Variants in IL1RAPL2 observed in about 807,000 individuals in gnomAD.
IL1RAPL2 encodes X-linked interleukin-1 receptor accessory protein-like 2.
Under a neutral mutation model 44.1 loss-of-function variants are expected in IL1RAPL2, and 3 were observed. That is an observed-to-expected ratio of 0.07 (90% CI 0.03 to 0.18). The LOEUF (loss-of-function observed/expected upper bound fraction) is 0.18. Among genes scored for constraint, IL1RAPL2 ranks in the 10% least tolerant of loss-of-function variants. IL1RAPL2 has a pLI of 1.00. For missense variants in IL1RAPL2, 391 were observed against 496.4 expected (o/e 0.79, Z 2.02); for synonymous variants, 181 against 178.8 (o/e 1.01, Z -0.10).
At chrX:105,426,214 A>G (rs1037395371) in intron 5 of IL1RAPL2, among the ~76,000 whole-genome samples, 8 of 110,481 alleles carry the variant, frequency 7.2e-5, no homozygotes, top group Non-Finnish European at 1.5e-4. Flanking sequence ...CTCACTGAAC[A>G]GACAGAACAA....
At chrX:105,063,163 T>C (rs2032096156) in intron 2 of IL1RAPL2, among the ~76,000 whole-genome samples, 1 of 111,794 alleles carries the variant, frequency 8.9e-6, no homozygotes, top group Admixed American at 9.5e-5. Flanking sequence ...GTATTTTCAA[T>C]AGCCTCTCCT....
At chrX:104,795,472 T>C (rs1466804210) in intron 2 of IL1RAPL2, among the ~76,000 whole-genome samples, 1 of 110,020 alleles carries the variant, frequency 9.1e-6, no homozygotes, top group Non-Finnish European at 1.9e-5. Flanking sequence ...TCTCAATTCC[T>C]CAAAATCTCA....
chrX:104,745,566 A>G (rs1932160564), intron 2 of IL1RAPL2, among the ~76,000 whole-genome samples: 2 of 112,540 alleles, frequency 1.8e-5, no homozygotes, highest in South Asian at 7.1e-4. Flanking sequence ...GTGCACCTGT[A>G]TTGAAGTTTA....
At chrX:105,140,424 A>G (rs529028715) in intron 2 of IL1RAPL2, among the ~76,000 whole-genome samples, 45 of 112,727 alleles carry the variant, frequency 4.0e-4, no homozygotes, top group African/African-American at 1.4e-3. Context: ...CAAATGCCAA[A>G]GATAGAATAA....
At chrX:105,679,975 C>T (rs774537675) in intron 6 of IL1RAPL2, among the ~76,000 whole-genome samples, 2 of 111,264 alleles carry the variant, frequency 1.8e-5, no homozygotes, top group South Asian at 7.7e-4. Flanking sequence ...CCAATAGTAT[C>T]TACAAATGTG....
chrX:105,279,566 G>A (rs898695998), intron 5 of IL1RAPL2, among the ~76,000 whole-genome samples: 3 of 111,186 alleles, frequency 2.7e-5, no homozygotes, highest in African/African-American at 6.6e-5. Context: ...TGCAACCTCC[G>A]CCTCCTGGGT....
chrX:105,262,592 G>T (rs908767634), intron 4 of IL1RAPL2, among the ~76,000 whole-genome samples: 4 of 111,496 alleles, frequency 3.6e-5, no homozygotes, highest in African/African-American at 1.3e-4. Flanking sequence ...AGCAACTGAA[G>T]CTTAGATTGA....
At chrX:105,131,689 C>G (rs1001869811) in intron 2 of IL1RAPL2, among the ~76,000 whole-genome samples, 1 of 110,766 alleles carries the variant, frequency 9.0e-6, no homozygotes, top group Admixed American at 9.6e-5. Context: ...TTGAACATTA[C>G]ATAGAAAACA....
intron 6 of IL1RAPL2, among the ~76,000 whole-genome samples, chrX:105,653,164 A>T (rs1206565903): frequency 8.9e-6 from 1 of 111,866 alleles, no homozygotes; most frequent in Non-Finnish European, 1.9e-5. Context: ...GAATACGGAA[A>T]ATATAGCTTC....
At chrX:105,614,393 C>T (rs2037358031) in intron 6 of IL1RAPL2, among the ~76,000 whole-genome samples, 1 of 111,822 alleles carries the variant, frequency 8.9e-6, no homozygotes, top group African/African-American at 3.3e-5. Context: ...ATGCAGGAGT[C>T]ACATTATCTG....
intron 7 of IL1RAPL2, among the ~76,000 whole-genome samples, chrX:105,730,630 A>G (rs1352350061): frequency 9.0e-6 from 1 of 111,294 alleles, no homozygotes. Flanking sequence ...ACAAGTCTCA[A>G]CAAATTTTTT....
intron 6 of IL1RAPL2, among the ~76,000 whole-genome samples, chrX:105,532,054 A>G (rs759177027): frequency 1.8e-5 from 2 of 112,012 alleles, no homozygotes; most frequent in East Asian, 5.6e-4. Context: ...TCTGGAACAC[A>G]GTGTTTCAGA....
intron 4 of IL1RAPL2, among the ~76,000 whole-genome samples, chrX:105,256,580 C>T (rs2034317444): frequency 9.0e-6 from 1 of 111,005 alleles, no homozygotes; most frequent in South Asian, 3.8e-4. Flanking sequence ...CCACCTGCCT[C>T]AGCCTCCCAA....
At chrX:105,561,147 C>A (rs2036933712) in intron 6 of IL1RAPL2, among the ~76,000 whole-genome samples, 1 of 111,388 alleles carries the variant, frequency 9.0e-6, no homozygotes, top group South Asian at 3.8e-4. Flanking sequence ...AAATGACCCA[C>A]AACCTGGACT....
chrX:105,735,354 ATAAG>A (rs1191329753), intron 7 of IL1RAPL2, among the ~76,000 whole-genome samples: 1 of 109,030 alleles, frequency 9.2e-6, no homozygotes, highest in African/African-American at 3.5e-5. Context: ...TATATATTAA[ATAAG>A]TGAGTTTTTT....
At chrX:105,473,631 A>C (rs1482938213) in intron 5 of IL1RAPL2, among the ~76,000 whole-genome samples, 1 of 111,882 alleles carries the variant, frequency 8.9e-6, no homozygotes, top group Admixed American at 9.5e-5. Flanking sequence ...GCTTTTCCTT[A>C]TTCTTTTGTA....
chrX:105,131,531 A>T lies in IL1RAPL2; in HGVS notation c.83-63944A>T, dbSNP rs780673545. ...TTAAAAACCATTTCAACCTGTAAAT[A>T]TTTTTTTTTTTTTGCTCATAGGCCA... On this transcript the variant is annotated intron_variant, in intron 2 of 10. Coordinates refer to ENST00000372582, the MANE Select transcript of IL1RAPL2 (RefSeq NM_017416.2). 1.1e-4 allele frequency among the ~76,000 whole-genome samples: 11 copies of T among 103,374 alleles called. No homozygotes were observed. The East Asian group carries it at 2.7e-3, about 25-fold the overall frequency. 89.8% of individuals were successfully genotyped at this position (103,374 alleles called of 115,157 possible).
chrX:104,834,951 A>T (rs1323107411), intron 2 of IL1RAPL2, among the ~76,000 whole-genome samples: 2 of 111,967 alleles, frequency 1.8e-5, no homozygotes, highest in Non-Finnish European at 3.8e-5. Flanking sequence ...ACCTGTCTTC[A>T]GTCTCATTCT....
At chrX:104,905,636 G>A (rs1009676443) in intron 2 of IL1RAPL2, among the ~76,000 whole-genome samples, 28 of 111,355 alleles carry the variant, frequency 2.5e-4, no homozygotes, top group Non-Finnish European at 4.9e-4. Flanking sequence ...TTATTTCTGA[G>A]GGCTCTGTTC....
Sources: gnomAD v4.1 joint callset for allele counts (sites outside exome capture counted in the v4.1 genomes callset) on GRCh38, gnomAD v4.1.1 for gene constraint, MANE v1.5 for transcripts, NCBI Gene and HGNC (gene_info 2026-07-23, HGNC 2026-07-21) for gene names.